LPAR1: variants seen among roughly 807,000 people sequenced by gnomAD.
LPAR1 encodes the protein lysophosphatidic acid receptor 1, also known as LPA receptor 1.
LPAR1 carries 5 observed loss-of-function variants against 23.8 expected under a neutral mutation model. The ratio of observed to expected loss-of-function variants is 0.21; its 90% CI spans 0.11 to 0.44. The LOEUF is 0.44. LPAR1 is among the 20% of genes least tolerant of loss of function. The probability of loss-of-function intolerance (pLI) is 0.99; values close to 1 mark genes in which losing one functional copy is unlikely to be tolerated. For missense variants in LPAR1, 311 were observed against 482.8 expected (o/e 0.64, Z 3.33); for synonymous variants, 160 against 164.7 (o/e 0.97, Z 0.22).
intron 5 of LPAR1, among the ~76,000 whole-genome samples, chr9:110,878,876 A>C (rs1437883628): frequency 2.0e-5 from 3 of 152,218 alleles, no homozygotes; most frequent in African/African-American, 7.2e-5. Flanking sequence ...CTGATTATAA[A>C]GAGATTCCTA....
intron 5 of LPAR1, chr9:110,934,643 T>C (rs1253752228): frequency 6.6e-6 from 1 of 152,194 alleles, no homozygotes; most frequent in Admixed American, 6.5e-5. Flanking sequence ...GTCCTTATAA[T>C]TTTATTTACA....
chr9:110,954,718 A>C (rs1564154951), intron 4 of LPAR1, among the ~76,000 whole-genome samples: 3 of 152,168 alleles, frequency 2.0e-5, no homozygotes, highest in African/African-American at 7.2e-5. Flanking sequence ...ACAAACAAAC[A>C]AACAAAAAAA....
intron 2 of LPAR1, among the ~76,000 whole-genome samples, chr9:111,025,310 C>T (rs2141268188): frequency 6.6e-6 from 1 of 152,302 alleles, no homozygotes; most frequent in Non-Finnish European, 1.5e-5. Context: ...TGATGATGAG[C>T]TTTTTTTCAT....
Position 110,942,000 on chromosome 9 carries a change from C to T in LPAR1, c.214G>A (p.Val72Met). The change falls in exon 5 of 6, where the codon GTG becomes ATG. Residue 72 changes from valine (V) to methionine (M), a missense_variant. Val to Met is a conservative substitution (Grantham distance 21, BLOSUM62 1). Coordinates refer to ENST00000683809, the MANE Select transcript of LPAR1 (RefSeq NM_001351411.2). This position sits in a 1 kb window ranked among gnomAD's most constrained non-coding sequence, Gnocchi z 6.1. ...FIMLANLLVM[V>M]AIYVNRRFHF... ...AAGCGGCGGTTGACATAGATTGCCA[C>T]CATGACCAATAGGTTGGCCAACATG... is the stretch of plus-strand genomic sequence containing the variant. 6.2e-7 allele frequency: 1 copy of T among 1,614,176 alleles called. No individual in the cohort carries two copies.
chr9:110,962,437 T>G (rs1284355697), intron 4 of LPAR1, among the ~76,000 whole-genome samples: 1 of 152,100 alleles, frequency 6.6e-6, no homozygotes, highest in South Asian at 2.1e-4. Context: ...CTCCAAAACC[T>G]TCCTATGCTT....
chr9:110,957,776 G>A (rs1441106702), intron 4 of LPAR1, among the ~76,000 whole-genome samples: 3 of 152,168 alleles, frequency 2.0e-5, no homozygotes, highest in South Asian at 2.1e-4. Flanking sequence ...ATCCAAATTG[G>A]AAAAGAGGAA....
At chr9:110,888,563 C>CAAA (rs2083067734) in intron 5 of LPAR1, among the ~76,000 whole-genome samples, 1 of 102,230 alleles carries the variant, frequency 9.8e-6, no homozygotes. Flanking sequence ...ATGAACCCAG[C>CAAA]AGAAAAAAAA....
At chr9:111,009,212 A>G (rs2097277917) in intron 2 of LPAR1, among the ~76,000 whole-genome samples, 1 of 152,196 alleles carries the variant, frequency 6.6e-6, no homozygotes, top group South Asian at 2.1e-4. Flanking sequence ...CTAGAAATAT[A>G]AAAACACAGT....
At chr9:110,890,230 T>G (rs2083675218) in intron 5 of LPAR1, among the ~76,000 whole-genome samples, 1 of 152,168 alleles carries the variant, frequency 6.6e-6, no homozygotes, top group Non-Finnish European at 1.5e-5. Context: ...CTATGACAAT[T>G]GATGTAATAG....
chr9:110,908,926 A>G (rs1031466499), intron 5 of LPAR1, among the ~76,000 whole-genome samples: 5 of 152,142 alleles, frequency 3.3e-5, no homozygotes. Context: ...ATAGAAATTG[A>G]CCTTTTTTGT....
intron 5 of LPAR1, among the ~76,000 whole-genome samples, chr9:110,902,763 A>C (rs1486167308): frequency 6.6e-6 from 1 of 152,154 alleles, no homozygotes; most frequent in East Asian, 1.9e-4. Context: ...CCACCTGGGA[A>C]GTGTTTTCCT....
intron 2 of LPAR1, among the ~76,000 whole-genome samples, chr9:110,975,921 C>T (rs1428748167): frequency 6.6e-6 from 1 of 152,134 alleles, no homozygotes; most frequent in Non-Finnish European, 1.5e-5. Context: ...GCTTACTTTG[C>T]CAAATACAAG....
At chr9:110,934,011 G>C (rs1254568884) in intron 5 of LPAR1, among the ~76,000 whole-genome samples, 1 of 152,328 alleles carries the variant, frequency 6.6e-6, no homozygotes, top group East Asian at 1.9e-4. Flanking sequence ...TGGGACTTTT[G>C]CAAGGACTGT....
chr9:110,909,644 C>A (rs1366900713), intron 5 of LPAR1, among the ~76,000 whole-genome samples: 2 of 152,152 alleles, frequency 1.3e-5, no homozygotes, highest in East Asian at 3.8e-4. Flanking sequence ...GTAATCCTCA[C>A]AATATTTCAA....
chr9:110,992,211 G>C (rs1429818240), intron 2 of LPAR1, among the ~76,000 whole-genome samples: 1 of 152,124 alleles, frequency 6.6e-6, no homozygotes, highest in Admixed American at 6.5e-5. Flanking sequence ...AGGGGCAAAA[G>C]ATTGGGACAG....
At chr9:110,976,904 A>C (rs1229029459) in intron 2 of LPAR1, among the ~76,000 whole-genome samples, 1 of 152,166 alleles carries the variant, frequency 6.6e-6, no homozygotes, top group Admixed American at 6.5e-5. Flanking sequence ...TATGATTCAA[A>C]TCACATATAT....
At chr9:110,925,926 T>C (rs535893603) in intron 5 of LPAR1, among the ~76,000 whole-genome samples, 144 of 152,218 alleles carry the variant, frequency 9.5e-4, no homozygotes, top group Non-Finnish European at 1.7e-3. Flanking sequence ...TTTTTTTTGT[T>C]TTTTGTTTTT....
chr9:110,880,828 C>T (rs1254251414), intron 5 of LPAR1, among the ~76,000 whole-genome samples: 1 of 152,128 alleles, frequency 6.6e-6, no homozygotes, highest in East Asian at 1.9e-4. Context: ...GCGTGGTATC[C>T]CAGAATCTAA....
intron 2 of LPAR1, among the ~76,000 whole-genome samples, chr9:111,008,375 AAG>A (rs1230134383): frequency 6.6e-6 from 1 of 152,152 alleles, no homozygotes; most frequent in African/African-American, 2.4e-5. Flanking sequence ...ATGTTTACCC[AAG>A]TTGGCAAAAG....
Sources: gnomAD v4.1 joint callset for allele counts (sites outside exome capture counted in the v4.1 genomes callset) on GRCh38, gnomAD v4.1.1 for gene constraint, Gnocchi (gnomAD v3.1) non-coding constraint, MANE v1.5 for transcripts, NCBI Gene and HGNC (gene_info 2026-07-23, HGNC 2026-07-21) for gene names.